The following UBE4B variants were observed in gnomAD, a reference collection of about 807,000 sequenced individuals.
The protein encoded by UBE4B is ubiquitin conjugation factor E4 B.
A neutral mutation model predicts 148.1 loss-of-function variants in UBE4B; 27 were observed. The observed-to-expected ratio is 0.18, with a 90% CI of 0.13 to 0.25. The LOEUF is 0.25. UBE4B is among the 10% of genes least tolerant of loss of function. The pLI, the probability that UBE4B is intolerant of heterozygous loss-of-function variation, is 1.00. For missense variants in UBE4B, 1,170 were observed against 1,662.4 expected, an observed-to-expected ratio of 0.70 and a Z score of 5.15; for synonymous variants, 596 against 619.3, an observed-to-expected ratio of 0.96 and a Z score of 0.56.
intron 2 of UBE4B, among the ~76,000 whole-genome samples, chr1:10,092,334 T>C (rs1302225429): frequency 1.3e-5 from 2 of 152,074 alleles, no homozygotes; most frequent in African/African-American, 4.8e-5. Flanking sequence ...AAGCGATTCT[T>C]CTGCCTCAGA....
intron 7 of UBE4B, among the ~76,000 whole-genome samples, chr1:10,116,793 G>A (rs1006373446): frequency 3.3e-5 from 5 of 152,162 alleles, no homozygotes; most frequent in Admixed American, 6.5e-5. Flanking sequence ...AAGAGATGGA[G>A]GTTCTAGCTT....
Position 10,105,665 on chromosome 1 carries a change from T to G in UBE4B, c.730T>G (p.Leu244Val). Reference sequence around the variant, plus strand: ...AGCACGGTCACCAGACAGAAATCTCTTGCTAAACACTGGCTCCAATCCAGG... The same window carrying G: ...AGCACGGTCACCAGACAGAAATCTCGTGCTAAACACTGGCTCCAATCCAGG... ...AAARSPDRNL[L>V]LNTGSNPGTS... The change falls in exon 6 of 28, where the codon TTG becomes GTG. Residue 244 changes from leucine (L) to valine (V), a missense_variant. Transcript: ENST00000343090. 6.2e-7 allele frequency: 1 copy of G among 1,614,214 alleles called. No homozygotes were observed. Among genetic ancestry groups the G allele is most frequent in the Admixed American group, 1.7e-5 (1 of 60,022 alleles).
In UBE4B at chr1:10,039,237, G is replaced by A. The variant is rs531331670; in HGVS notation, c.24+5543G>A. 3.3e-5 allele frequency among the ~76,000 whole-genome samples: 5 copies of A among 152,016 alleles called. No individual in the cohort carries two copies. In the East Asian group the frequency reaches 9.7e-4, roughly 29 times the overall value. On this transcript the variant is annotated intron_variant, in intron 1 of 27. Transcript: ENST00000343090. ...TGAGAAGGGACCCCGGGAGAGGCAG[G>A]GTCTTAGTGAAGACTTTCAAGAAAA...
At chr1:10,150,260 T>C (rs1056913276) in intron 20 of UBE4B, among the ~76,000 whole-genome samples, 3 of 152,166 alleles carry the variant, frequency 2.0e-5, no homozygotes. Flanking sequence ...TTGATTGGTA[T>C]GAAATTTTAA....
chr1:10,073,788 G>T (rs1644530008), intron 2 of UBE4B, among the ~76,000 whole-genome samples: 2 of 151,974 alleles, frequency 1.3e-5, no homozygotes, highest in Non-Finnish European at 2.9e-5. Flanking sequence ...CTTGATACTG[G>T]CAGGCTGTTG....
chr1:10,175,572 A>AC (rs1646412916), intron 25 of UBE4B, among the ~76,000 whole-genome samples: 1 of 152,012 alleles, frequency 6.6e-6, no homozygotes, highest in Non-Finnish European at 1.5e-5. Flanking sequence ...AATGGCGTGA[A>AC]CCTGGGAGGT....
At chr1:10,125,257 T>C (rs1645474814) in intron 10 of UBE4B, among the ~76,000 whole-genome samples, 1 of 152,254 alleles carries the variant, frequency 6.6e-6, no homozygotes, top group African/African-American at 2.4e-5. Context: ...TTGGAGATTT[T>C]TCAGGACAAC....
At chr1:10,078,492 C>T (rs953308378) in intron 2 of UBE4B, among the ~76,000 whole-genome samples, 2 of 152,034 alleles carry the variant, frequency 1.3e-5, no homozygotes, top group South Asian at 2.1e-4. Flanking sequence ...CTTTGGAGGA[C>T]AGTCTAGTTT....
intron 1 of UBE4B, chr1:10,058,898 C>A (rs1305816141): frequency 6.6e-6 from 1 of 152,240 alleles, no homozygotes; most frequent in Non-Finnish European, 1.5e-5. Context: ...CTATAAGGGT[C>A]TGACTGGCCT....
At chr1:10,054,679 TG>T in intron 1 of UBE4B, 1 of 268,820 alleles carries the variant, frequency 3.7e-6, no homozygotes, top group African/African-American at 2.3e-5. Flanking sequence ...AGCAGCATGC[TG>T]GGTAACATTG....
chr1:10,057,373 G>A (rs866591001), intron 1 of UBE4B, among the ~76,000 whole-genome samples: 4 of 150,432 alleles, frequency 2.7e-5, no homozygotes, highest in Non-Finnish European at 4.4e-5. Flanking sequence ...TTAAAGGGTC[G>A]CAACCTTTTT....
intron 20 of UBE4B, among the ~76,000 whole-genome samples, chr1:10,150,580 G>C (rs903092438): frequency 2.0e-5 from 3 of 152,188 alleles, no homozygotes; most frequent in African/African-American, 7.2e-5. Flanking sequence ...AGTCACTGTA[G>C]GCTGGGTGCA....
At chr1:10,047,158 T>A (rs1643928893) in intron 1 of UBE4B, among the ~76,000 whole-genome samples, 1 of 152,226 alleles carries the variant, frequency 6.6e-6, no homozygotes, top group African/African-American at 2.4e-5. Flanking sequence ...GTTGATTACT[T>A]CCAGCTTCCA....
intron 1 of UBE4B, among the ~76,000 whole-genome samples, chr1:10,038,030 C>T (rs548771374): frequency 6.6e-6 from 1 of 152,142 alleles, no homozygotes; most frequent in South Asian, 2.1e-4. Flanking sequence ...CCTGTAATCC[C>T]AGCGCTTTGG....
intron 1 of UBE4B, among the ~76,000 whole-genome samples, chr1:10,064,751 A>G (rs987776465): frequency 1.3e-5 from 2 of 148,344 alleles, no homozygotes; most frequent in Non-Finnish European, 3.0e-5. Context: ...TTTTCCCTCA[A>G]CTTTCTATTC....
At chr1:10,059,659 G>C (rs1472265401) in intron 1 of UBE4B, 2 of 158,514 alleles carry the variant, frequency 1.3e-5, no homozygotes, top group African/African-American at 4.8e-5. Flanking sequence ...GCCGAGGCGT[G>C]AAGGGCGGCA....
At position 10,135,003 on chromosome 1, in the gene UBE4B, G is replaced by A; in HGVS notation, c.2041G>A (p.Val681Met). Residue 681 changes from valine (V) to methionine (M), a missense_variant, in exon 16 of 28, where the codon GTG becomes ATG. Transcript: ENST00000343090. ...KAQMQTDDRL[V>M]STDGFMLNFL... ...ACTTTCACAGACAGATGATAGATTG[G>A]TGTCTACAGATGGATTTATGCTGAA... The A allele has an allele frequency of 6.2e-7, 1 of 1,614,056 alleles. No individual in the cohort carries two copies. The highest frequency in any genetic ancestry group is 1.7e-5 in the Admixed American group (1 of 59,978).
chr1:10,126,664 A>G, intron 10 of UBE4B, 130 bp from the exon 11 acceptor site: 3 of 730,024 alleles, frequency 4.1e-6, no homozygotes, highest in South Asian at 1.9e-5. Context: ...CTAGACTTTT[A>G]TATGCAAAAA....
intron 2 of UBE4B, among the ~76,000 whole-genome samples, chr1:10,086,384 A>G (rs139350481): frequency 6.6e-6 from 1 of 152,286 alleles, no homozygotes; most frequent in Non-Finnish European, 1.5e-5. Context: ...TTCAGTGACT[A>G]TTAAATATGC....
Sources: allele counts gnomAD v4.1 joint callset (sites outside exome capture counted in the v4.1 genomes callset), GRCh38; gene constraint gnomAD v4.1.1; transcripts MANE v1.5; gene names NCBI Gene and HGNC (gene_info 2026-07-23, HGNC 2026-07-21).